Variants in IRAK3 observed in about 807,000 individuals in gnomAD.
IRAK3 encodes interleukin-1 receptor-associated kinase 3.
Under a neutral mutation model 56.6 loss-of-function variants are expected in IRAK3, and 57 were observed. That is an observed-to-expected ratio of 1.01 (90% CI 0.81 to 1.26). The LOEUF is 1.26. Ranked by LOEUF, IRAK3 falls within the 50% of genes most tolerant of loss-of-function variation. IRAK3 has a pLI of 0.00. For missense variants in IRAK3, 703 were observed against 719.0 expected (o/e 0.98, Z 0.25); for synonymous variants, 258 against 255.7 (o/e 1.01, Z -0.09).
Position 66,203,778 on chromosome 12 carries a change from T to C in IRAK3, c.201T>C (p.Ser67=). The change falls in exon 2 of 12, where the codon AGT becomes AGC. Residue 67 remains serine (S), a synonymous_variant. Coordinates refer to ENST00000261233, the MANE Select transcript of IRAK3 (RefSeq NM_007199.3). The part of the protein sequence containing the change: ...HIEKYVDQGK[S]GTRELLWSWA... ...AAAAGTATGTAGACCAAGGTAAAAG[T>C]GGAACAAGAGAATTACTTTGGTCCT... 6.2e-7 allele frequency: 1 copy of C among 1,614,024 alleles called. No individual in the cohort carries two copies. The highest frequency in any genetic ancestry group is 1.3e-5 in the African/African-American group (1 of 75,034).
At chr12:66,242,265 C>T (rs934023394) in intron 8 of IRAK3, among the ~76,000 whole-genome samples, 1 of 152,132 alleles carries the variant, frequency 6.6e-6, no homozygotes, top group Non-Finnish European at 1.5e-5. Flanking sequence ...CCTGGCCCAC[C>T]GGCAAACTCC....
chr12:66,238,774 G>T (rs949164141), intron 8 of IRAK3, among the ~76,000 whole-genome samples: 1 of 152,180 alleles, frequency 6.6e-6, no homozygotes, highest in Admixed American at 6.5e-5. Flanking sequence ...TTTTCAACAA[G>T]TCTGGGGGTT....
intron 6 of IRAK3, among the ~76,000 whole-genome samples, chr12:66,220,625 A>G (rs1254446832): frequency 7.3e-6 from 1 of 137,646 alleles, no homozygotes; most frequent in Non-Finnish European, 1.5e-5. Context: ...GGTTCACGCC[A>G]TTCTCCTGCC....
rs1248151630 is a variant in IRAK3, at chr12:66,253,667, A to C, written c.*5496A>C. On this transcript the variant is annotated 3_prime_UTR_variant, in exon 12 of 12. Transcript: ENST00000261233. Reference sequence around the variant, plus strand: ...GAATTTTAAAATATTCTTATAGACAAACATTAATTGGAATGGGGGGTAAGG... The same window carrying C: ...GAATTTTAAAATATTCTTATAGACACACATTAATTGGAATGGGGGGTAAGG... 2.6e-5 allele frequency: 4 copies of C among 152,210 alleles called. No homozygotes were observed. The highest frequency in any genetic ancestry group is 3.8e-4 in the East Asian group (2 of 5,206). 9.4% of individuals were successfully genotyped at this position (152,210 alleles called of 1,614,324 possible). A position where few individuals can be genotyped will look rare whatever the true frequency, so the allele number is the denominator to read the frequency against.
At chr12:66,220,767 G>T (rs188274232) in intron 6 of IRAK3, among the ~76,000 whole-genome samples, 3,333 of 151,882 alleles carry the variant, frequency 0.022, 46 homozygotes, top group African/African-American at 0.051. Flanking sequence ...TGATCCGCCC[G>T]CCTCGGCCTC....
In IRAK3 at chr12:66,247,746, C is replaced by T; in HGVS notation, c.1366C>T (p.Pro456Ser). The change falls in exon 12 of 12, where the codon CCT (proline) becomes TCT (serine). Residue 456 changes from proline to serine, a missense_variant. Physicochemically the swap from Pro to Ser is moderately conservative, Grantham distance 74 (BLOSUM62 -1). Transcript: ENST00000261233. Reference protein sequence around the residue: ...TQASLYFAEDPPTSLKSFRCP... With the variant: ...TQASLYFAEDSPTSLKSFRCP... ...AGCCAGCTTGTATTTTGCTGAAGAT[C>T]CTCCCACATCACTAAAGTCCTTCAG... The T allele has an allele frequency of 6.2e-7, 1 of 1,614,110 alleles. No individual in the cohort carries two copies. The highest frequency in any genetic ancestry group is 2.2e-5 in the East Asian group (1 of 44,880).
Position 66,247,856 on chromosome 12 carries a change from TGATGAAGGCCTGAG to T in IRAK3, c.1480_1493del (p.Glu494ArgfsTer10). ...GCCAGAATAACAATTTACTACCTTCTGATGAAGGCCTGAGGATAGACAGAATGACTCAGAAAACT... is the reference window on the plus strand; with the variant it reads ...GCCAGAATAACAATTTACTACCTTCTGATAGACAGAATGACTCAGAAAACT... On this transcript the variant is annotated frameshift_variant, in exon 12 of 12. Transcript: ENST00000261233. LOFTEE classifies it low-confidence loss of function (END_TRUNC). The T allele has an allele frequency of 6.2e-7, 1 of 1,614,186 alleles. No homozygotes were observed. Among genetic ancestry groups the T allele is most frequent in the Non-Finnish European group, 8.5e-7 (1 of 1,180,006 alleles).
At chr12:66,191,334 G>A (rs528532983) in intron 1 of IRAK3, among the ~76,000 whole-genome samples, 96 of 152,330 alleles carry the variant, frequency 6.3e-4, no homozygotes, top group Non-Finnish European at 1.1e-3. Flanking sequence ...AGGGGTTCTT[G>A]TTTGGCTGCC....
rs11465969 is a variant in IRAK3 at position 66,222,880 on chromosome 12, G to A, written c.654-3843G>A. ...GTGAAGAGACCACCACACAGGCTTT[G>A]TGTGAGCAATAAAGCTTTTTAATCA... On this transcript the variant is annotated intron_variant, in intron 6 of 11. Coordinates refer to ENST00000261233, the MANE Select transcript of IRAK3 (RefSeq NM_007199.3). Among the ~76,000 whole-genome samples the A allele has an allele frequency of 3.2e-3, 483 of 152,292 alleles. 8 individuals carry two copies. Among genetic ancestry groups the A allele is most frequent in the African/African-American group, 0.011 (441 of 41,558 alleles).
intron 4 of IRAK3, among the ~76,000 whole-genome samples, chr12:66,210,593 C>T (rs913100735): frequency 6.6e-6 from 1 of 152,138 alleles, no homozygotes; most frequent in Non-Finnish European, 1.5e-5. Context: ...TGCTGAAGGT[C>T]AGTATGAAAA....
chr12:66,208,343 AAACAC>A (rs761793114), intron 2 of IRAK3, among the ~76,000 whole-genome samples: 19,436 of 151,382 alleles, frequency 0.13, 2,037 homozygotes, highest in East Asian at 0.39. Flanking sequence ...ACACACACAC[AAACAC>A]ACACACACGC....
intron 8 of IRAK3, among the ~76,000 whole-genome samples, chr12:66,243,392 A>T (rs557880375): frequency 6.6e-5 from 10 of 152,224 alleles, no homozygotes; most frequent in Non-Finnish European, 1.5e-4. Flanking sequence ...TAGTAACAGC[A>T]TGTCGTACTA....
intron 7 of IRAK3, among the ~76,000 whole-genome samples, chr12:66,227,540 T>C (rs1355596841): frequency 6.6e-6 from 1 of 151,778 alleles, no homozygotes; most frequent in Non-Finnish European, 1.5e-5. Flanking sequence ...GATTGCACCA[T>C]TGCACTCCAG....
At chr12:66,203,145 A>G (rs1014019934) in intron 1 of IRAK3, among the ~76,000 whole-genome samples, 3 of 152,196 alleles carry the variant, frequency 2.0e-5, no homozygotes, top group Non-Finnish European at 4.4e-5. Flanking sequence ...TCTGAGGAGA[A>G]GCAGAGTATT....
At position 66,189,859 on chromosome 12, in the gene IRAK3, A is replaced by T. The variant is rs565802656; in HGVS notation, c.133+427A>T. Among the ~76,000 whole-genome samples, 28 of 152,328 alleles carry T rather than the reference A, an allele frequency of 1.8e-4. No homozygotes were observed. The East Asian group carries it at 2.1e-3, about 12-fold the overall frequency. ...CTTTGGTGTTTTCAATGCATCCCTAAGCCCCTAACTTAATTACAAGTGAAA... is the reference window on the plus strand; with the variant it reads ...CTTTGGTGTTTTCAATGCATCCCTATGCCCCTAACTTAATTACAAGTGAAA... On this transcript the variant is annotated intron_variant, in intron 1 of 11. Transcript: ENST00000261233.
chr12:66,232,916 T>C (rs1487255203), intron 8 of IRAK3, among the ~76,000 whole-genome samples: 3 of 152,120 alleles, frequency 2.0e-5, no homozygotes, highest in African/African-American at 7.2e-5. Flanking sequence ...GAAGATGCTG[T>C]TACCTTTATT....
intron 8 of IRAK3, chr12:66,234,967 G>A: frequency 6.2e-7 from 1 of 1,614,120 alleles, no homozygotes; most frequent in South Asian, 1.1e-5. Context: ...GGCTGTCAAA[G>A]TCGACAAAAC....
intron 8 of IRAK3, among the ~76,000 whole-genome samples, chr12:66,230,860 G>T (rs1592596144): frequency 6.6e-6 from 1 of 152,146 alleles, no homozygotes; most frequent in Non-Finnish European, 1.5e-5. Context: ...TCTTAGCTCA[G>T]TGTCCCCTAA....
intron 8 of IRAK3, among the ~76,000 whole-genome samples, chr12:66,232,800 G>A (rs1397689037): frequency 3.3e-5 from 5 of 152,110 alleles, no homozygotes; most frequent in Admixed American, 1.3e-4. Context: ...TTTATTGTAC[G>A]GCTTTGATAA....
Sources: gnomAD v4.1 joint callset for allele counts (sites outside exome capture counted in the v4.1 genomes callset) on GRCh38, gnomAD v4.1.1 for gene constraint, MANE v1.5 for transcripts, NCBI Gene and HGNC (gene_info 2026-07-23, HGNC 2026-07-21) for gene names.